Variants in KCTD9 observed in about 807,000 individuals in gnomAD.
The protein encoded by KCTD9 is potassium channel tetramerization domain containing 9.
Under a neutral mutation model 53.3 loss-of-function variants are expected in KCTD9, and 17 were observed. The observed-to-expected ratio is 0.32, with a 90% CI of 0.22 to 0.48. The LOEUF is 0.48. Ranked by LOEUF, KCTD9 falls within the 20% of genes least tolerant of loss-of-function variation. The pLI, the probability that KCTD9 is intolerant of heterozygous loss-of-function variation, is 0.99. For synonymous variants in KCTD9, 128 were observed against 162.7 expected (o/e 0.79, Z 1.62); for missense variants, 179 against 465.5 (o/e 0.38, Z 5.66).
At chr8:25,451,784 C>T (rs1802324293) in intron 1 of KCTD9, among the ~76,000 whole-genome samples, 1 of 152,086 alleles carries the variant, frequency 6.6e-6, no homozygotes, top group Non-Finnish European at 1.5e-5. Context: ...AAAATTAAAA[C>T]CTGCACATGC....
At chr8:25,446,996 T>C (rs970537258) in intron 1 of KCTD9, among the ~76,000 whole-genome samples, 16 of 152,212 alleles carry the variant, frequency 1.1e-4, no homozygotes, top group African/African-American at 3.6e-4. Context: ...TTTCTACATG[T>C]AAGTGAATTT....
At chr8:25,430,808 T>TACACACACACACACACACAC (rs139075991) in intron 11 of KCTD9, among the ~76,000 whole-genome samples, 13 of 145,470 alleles carry the variant, frequency 8.9e-5, no homozygotes, top group Non-Finnish European at 2.0e-4. Context: ...ACATAATAAA[T>TACACACACACACACACACAC]ACACACACAC....
intron 9 of KCTD9, among the ~76,000 whole-genome samples, chr8:25,434,872 T>C (rs957008614): frequency 2.6e-5 from 4 of 152,200 alleles, no homozygotes; most frequent in African/African-American, 9.7e-5. Flanking sequence ...CATATACATA[T>C]ATATAAATAT....
chr8:25,453,794 G>C (rs17053712), intron 1 of KCTD9, among the ~76,000 whole-genome samples: 1 of 151,894 alleles, frequency 6.6e-6, no homozygotes, highest in Non-Finnish European at 1.5e-5. Context: ...GCTACTTCTT[G>C]GGTTATCTGG....
At chr8:25,455,392 T>C (rs1255380263) in intron 1 of KCTD9, among the ~76,000 whole-genome samples, 2 of 152,172 alleles carry the variant, frequency 1.3e-5, no homozygotes, top group Non-Finnish European at 2.9e-5. Flanking sequence ...GGCTAATATT[T>C]CAAAGAATAA....
chr8:25,433,663 C>G (rs1230673107), intron 9 of KCTD9, among the ~76,000 whole-genome samples: 1 of 151,994 alleles, frequency 6.6e-6, no homozygotes, highest in Non-Finnish European at 1.5e-5. Flanking sequence ...AAAATAAATG[C>G]AAATTAACAA....
intron 3 of KCTD9, among the ~76,000 whole-genome samples, chr8:25,441,007 T>A (rs1048607586): frequency 6.6e-6 from 1 of 152,156 alleles, no homozygotes; most frequent in Non-Finnish European, 1.5e-5. Context: ...AACAACAGAT[T>A]GAGATCATCC....
At chr8:25,458,166 C>G in intron 1 of KCTD9, 33 bp downstream of exon 1, 1 of 1,540,968 alleles carries the variant, frequency 6.5e-7, no homozygotes, top group Non-Finnish European at 8.9e-7. Flanking sequence ...GCCCCGACCC[C>G]CGGCCCGCCG....
chr8:25,454,360 G>C (rs781343813), intron 1 of KCTD9, among the ~76,000 whole-genome samples: 4 of 152,076 alleles, frequency 2.6e-5, no homozygotes, highest in Non-Finnish European at 4.4e-5. Flanking sequence ...ATGAATGAAT[G>C]ATGAATTAAT....
At chr8:25,432,445 G>T in intron 11 of KCTD9, 59 bp downstream of exon 11, 1 of 1,447,894 alleles carries the variant, frequency 6.9e-7, no homozygotes, top group Non-Finnish European at 9.5e-7. Context: ...AATAAATTTT[G>T]CATGAGATGC....
At position 25,438,879 on chromosome 8, in the gene KCTD9, CTT is replaced by C. The variant is rs528612501; in HGVS notation, c.499+398_499+399del. 1.0e-3 allele frequency among the ~76,000 whole-genome samples: 152 copies of C among 152,326 alleles called. 2 individuals are homozygous for C. In the South Asian group the frequency reaches 0.031, roughly 31 times the overall value. On this transcript the variant is annotated intron_variant, in intron 6 of 11. Transcript: ENST00000221200. ...ATGATTGCAAGGCATGATTTGCCCT[CTT>C]GACTACTCTAGTTCTCACATAATGT...
At chr8:25,454,109 A>C (rs1008889949) in intron 1 of KCTD9, among the ~76,000 whole-genome samples, 5 of 151,664 alleles carry the variant, frequency 3.3e-5, no homozygotes, top group African/African-American at 1.2e-4. Context: ...CTGGTCTTGA[A>C]CTCCTGAACT....
chr8:25,455,446 T>C (rs1366449989), intron 1 of KCTD9, among the ~76,000 whole-genome samples: 1 of 152,132 alleles, frequency 6.6e-6, no homozygotes, highest in Non-Finnish European at 1.5e-5. Flanking sequence ...AATTAATAAA[T>C]AGGACTTCAA....
chr8:25,444,162 G>T, intron 3 of KCTD9, 130 bp downstream of exon 3: 1 of 791,836 alleles, frequency 1.3e-6, no homozygotes, highest in Non-Finnish European at 2.0e-6. Context: ...GAATCAAAAA[G>T]TGTGAAGATT....
chr8:25,456,380 T>C (rs1230599327), intron 1 of KCTD9, among the ~76,000 whole-genome samples: 2 of 152,194 alleles, frequency 1.3e-5, no homozygotes, highest in Non-Finnish European at 2.9e-5. Context: ...ACTTTATATA[T>C]AAAAATGCAA....
At chr8:25,443,417 A>C (rs902477412) in intron 3 of KCTD9, among the ~76,000 whole-genome samples, 2 of 152,200 alleles carry the variant, frequency 1.3e-5, no homozygotes, top group Admixed American at 1.3e-4. Flanking sequence ...AACATCAATA[A>C]ATGCAGAGGA....
chr8:25,447,798 T>C (rs957567233), intron 1 of KCTD9, among the ~76,000 whole-genome samples: 3 of 152,142 alleles, frequency 2.0e-5, no homozygotes, highest in Non-Finnish European at 2.9e-5. Context: ...AAATAAAATA[T>C]GGTATATATA....
At chr8:25,443,472 A>T (rs1022722692) in intron 3 of KCTD9, among the ~76,000 whole-genome samples, 10 of 54,926 alleles carry the variant, frequency 1.8e-4, no homozygotes, top group African/African-American at 2.0e-4. Flanking sequence ...TAATAACAAT[A>T]AAAAAACCTT....
chr8:25,445,299 G>A (rs1172008524), intron 2 of KCTD9, among the ~76,000 whole-genome samples: 1 of 152,064 alleles, frequency 6.6e-6, no homozygotes, highest in Non-Finnish European at 1.5e-5. Context: ...CAGGTAATTC[G>A]TTTCCTCATC....
Sources: allele counts gnomAD v4.1 joint callset (sites outside exome capture counted in the v4.1 genomes callset), GRCh38; gene constraint gnomAD v4.1.1; transcripts MANE v1.5; gene names NCBI Gene and HGNC (gene_info 2026-07-23, HGNC 2026-07-21).